Variants in ADGRD2 observed in about 807,000 individuals in gnomAD.
ADGRD2 encodes the protein G protein-coupled receptor PGR24.
Under a neutral mutation model 44.4 loss-of-function variants are expected in ADGRD2, and 71 were observed. The observed-to-expected ratio is 1.60, with a 90% CI of 1.32 to 1.95. ADGRD2 has a LOEUF of 1.95. Among genes scored for constraint, ADGRD2 ranks in the 30% most tolerant of loss-of-function variants. The pLI is 0.00. For synonymous variants in ADGRD2, 481 were observed against 224.8 expected (o/e 2.14, Z -10.19); for missense variants, 1,039 against 512.4 (o/e 2.03, Z -9.92).
At chr9:124,467,008 C>T (rs1001394748) in intron 11 of ADGRD2, 1 of 152,598 alleles carries the variant, frequency 6.6e-6, no homozygotes, top group African/African-American at 2.4e-5. Flanking sequence ...GAGGGGCACA[C>T]TACAAAAACA....
intron 21 of ADGRD2, among the ~76,000 whole-genome samples, chr9:124,478,038 C>G (rs374026072): frequency 6.6e-6 from 1 of 152,168 alleles, no homozygotes; most frequent in East Asian, 1.9e-4. Flanking sequence ...CTCAGCGGCC[C>G]GAGCTGGAAG....
chr9:124,451,674 C>T (rs538803265), upstream of ADGRD2: 15 of 258,552 alleles, frequency 5.8e-5, no homozygotes, highest in East Asian at 3.4e-4. Flanking sequence ...AGGATGGCAC[C>T]GTGGTGCTAC....
intron 9 of ADGRD2, 125 bp downstream of exon 12, chr9:124,458,361 C>G (rs1831657519): frequency 4.7e-6 from 3 of 632,066 alleles, no homozygotes; most frequent in East Asian, 2.7e-5. Context: ...CCACCCCTGC[C>G]CAACACACAC....
At chr9:124,459,663 CTATTTA>C (rs1831691324) in intron 10 of ADGRD2, among the ~76,000 whole-genome samples, 1 of 151,914 alleles carries the variant, frequency 6.6e-6, no homozygotes, top group Non-Finnish European at 1.5e-5. Context: ...AGTATAACAG[CTATTTA>C]TATATTTATA....
exon 15 of ADGRD2, chr9:124,469,272 T>G (rs1223009824): frequency 1.4e-6 from 1 of 717,738 alleles, no homozygotes; most frequent in African/African-American, 1.7e-5. Context: ...CCCCCATGAC[T>G]ACGTGGCCCC....
chr9:124,455,643 A>G (rs1831601741), intron 6 of ADGRD2, among the ~76,000 whole-genome samples: 1 of 152,060 alleles, frequency 6.6e-6, no homozygotes, highest in Non-Finnish European at 1.5e-5. Flanking sequence ...AAATGAAGTG[A>G]TTAAGAACCA....
chr9:124,478,457 C>G (rs549236367), exon 22 of ADGRD2: 1 of 152,542 alleles, frequency 6.6e-6, no homozygotes, highest in African/African-American at 2.4e-5. Flanking sequence ...CCCCTGTTCC[C>G]CTAGCCCACC....
At chr9:124,472,644 T>C (rs902360340) in intron 17 of ADGRD2, among the ~76,000 whole-genome samples, 4 of 152,134 alleles carry the variant, frequency 2.6e-5, no homozygotes, top group Non-Finnish European at 4.4e-5. Flanking sequence ...GTAGCTGGGA[T>C]TACAGGCACC....
intron 17 of ADGRD2, among the ~76,000 whole-genome samples, chr9:124,474,139 G>A (rs1231838514): frequency 2.0e-5 from 3 of 152,270 alleles, no homozygotes; most frequent in Middle Eastern, 3.4e-3. Context: ...GCTGGGTGTG[G>A]TGGCACATGC....
rs1409711541 is a variant in ADGRD2, at chr9:124,454,990, A to G, written c.1258A>G (p.Arg420Gly). The G allele has an allele frequency of 7.0e-6, 5 of 718,178 alleles. No individual in the cohort carries two copies. Among genetic ancestry groups the G allele is most frequent in the Non-Finnish European group, 2.6e-6 (1 of 385,076 alleles). The allele number at this position is 718,178 out of a possible 1,614,324, so 44.5% of individuals were successfully genotyped here. The change falls in exon 6 of 22, where the codon AGG becomes GGG. Residue 420 changes from arginine to glycine, a missense_variant. Physicochemically the swap from Arg to Gly is moderately radical, Grantham distance 125 (BLOSUM62 -2). Transcript: ENST00000334810. This position sits in a 1 kb window ranked among gnomAD's most constrained non-coding sequence, Gnocchi z 4.5. The stretch of plus-strand genomic sequence containing the variant: ...GCTGGCTGTTGTCCGCTTCCTGAAG[A>G]GGGTGGTGGCCCTCGGGGCTGGGGA...
rs748549216 is a variant in ADGRD2 at position 124,467,722 on chromosome 9, G to A, written c.2030G>A (p.Arg677Lys). 12 of 718,474 alleles carry A rather than the reference G, an allele frequency of 1.7e-5. 1 individual carries two copies. Among genetic ancestry groups the A allele is most frequent in the South Asian group, 1.6e-4 (11 of 67,594 alleles). The allele number at this position is 718,474 out of a possible 1,614,324, so 44.5% of individuals were successfully genotyped here. Reference sequence around the variant, plus strand: ...GGGTTTCTCTGTCCCTCCACACAGAGAGGCCCTGAGGAGGAGTCGCTGCTG... The same window carrying A: ...GGGTTTCTCTGTCCCTCCACACAGAAAGGCCCTGAGGAGGAGTCGCTGCTG... The change falls in exon 12 of 22, where the codon AGA (arginine) becomes AAA (lysine). Residue 677 changes from arginine to lysine, a missense_variant and splice_region_variant. Arg to Lys is a conservative substitution (Grantham distance 26, BLOSUM62 2). Transcript: ENST00000334810.
intron 10 of ADGRD2, 86 bp downstream of exon 13, chr9:124,458,807 A>G (rs2131237096): frequency 1.5e-6 from 1 of 671,096 alleles, no homozygotes; most frequent in Non-Finnish European, 2.8e-6. Context: ...TATCCAATGG[A>G]CAACCAAGGC....
At chr9:124,457,743 C>T (rs1831645285) in intron 8 of ADGRD2, 137 bp downstream of exon 11, 2 of 553,430 alleles carry the variant, frequency 3.6e-6, no homozygotes, top group Admixed American at 6.2e-5. Flanking sequence ...TACTACTTGC[C>T]TTGTGGCTTA....
chr9:124,467,323 A>G (rs1831841492), intron 11 of ADGRD2: 1 of 148,004 alleles, frequency 6.8e-6, no homozygotes, highest in Non-Finnish European at 1.4e-5. Flanking sequence ...CCTGGGTGAC[A>G]GACTGTCTTG....
chr9:124,472,516 T>C (rs1173842930), intron 17 of ADGRD2, among the ~76,000 whole-genome samples: 2 of 151,496 alleles, frequency 1.3e-5, no homozygotes, highest in Non-Finnish European at 2.9e-5. Context: ...TGTTTTGTTT[T>C]GTTTTTTGGA....
At chr9:124,457,601 G>A (rs1190753351) in exon 8 of ADGRD2, 1 of 646,830 alleles carries the variant, frequency 1.5e-6, no homozygotes, top group Admixed American at 2.3e-5. Context: ...CGACTCCTCA[G>A]GAAAGGTGGG....
At chr9:124,451,529 G>T, upstream of ADGRD2, 1 of 325,056 alleles carries the variant, frequency 3.1e-6, no homozygotes, top group Non-Finnish European at 6.0e-6. Context: ...GTCAAACAAA[G>T]GGCAAACGGA....
At chr9:124,458,443 T>C (rs988843206) in intron 9 of ADGRD2, among the ~76,000 whole-genome samples, 173 bp from the exon 13 acceptor site, 4 of 152,208 alleles carry the variant, frequency 2.6e-5, no homozygotes, top group African/African-American at 9.6e-5. Context: ...TGTTGGGACT[T>C]ACCCAAGTTA....
At chr9:124,451,551 T>G, upstream of ADGRD2, 2 of 305,256 alleles carry the variant, frequency 6.6e-6, no homozygotes, top group South Asian at 5.8e-5. Flanking sequence ...CCTGCAGAAG[T>G]CCAAGGGCGA....
Sources: allele counts gnomAD v4.1 joint callset (sites outside exome capture counted in the v4.1 genomes callset), GRCh38; gene constraint gnomAD v4.1.1; non-coding constraint Gnocchi (gnomAD v3.1); transcripts MANE v1.5; gene names NCBI Gene and HGNC (gene_info 2026-07-23, HGNC 2026-07-21).